Variants in EML6 observed in about 807,000 individuals in gnomAD.
EML6 encodes the protein echinoderm microtubule-associated protein-like 6.
In EML6, 154 loss-of-function variants were observed where a neutral mutation model predicts 240.1. The observed-to-expected ratio is 0.64, with a 90% CI of 0.56 to 0.73. The LOEUF (loss-of-function observed/expected upper bound fraction) is 0.73, where lower values mean the gene tolerates loss of function less well. Ranked by LOEUF, EML6 falls within the 30% of genes least tolerant of loss-of-function variation. The pLI is 0.00. For synonymous variants in EML6, 1,148 were observed against 899.0 expected, an observed-to-expected ratio of 1.28 and a Z score of -4.95; for missense variants, 2,964 against 2,474.6, an observed-to-expected ratio of 1.20 and a Z score of -4.20.
chr2:54,787,273 T>C (rs1320289788), intron 2 of EML6, among the ~76,000 whole-genome samples: 1 of 129,880 alleles, frequency 7.7e-6, no homozygotes, highest in East Asian at 2.3e-4. Flanking sequence ...GTCTGAGCCT[T>C]GTCAATGAGA....
At chr2:54,798,671 T>C (rs1384812447) in intron 2 of EML6, among the ~76,000 whole-genome samples, 1 of 152,212 alleles carries the variant, frequency 6.6e-6, no homozygotes, top group Non-Finnish European at 1.5e-5. Context: ...GTAGGGTTTT[T>C]ATTGATTAGG....
intron 2 of EML6, among the ~76,000 whole-genome samples, chr2:54,727,141 A>G (rs1161136158): frequency 2.0e-5 from 3 of 152,216 alleles, no homozygotes; most frequent in Non-Finnish European, 2.9e-5. Context: ...GAATGAAGTG[A>G]TGTGTATAAC....
chr2:54,918,664 T>C (rs928137011), intron 26 of EML6, among the ~76,000 whole-genome samples: 2 of 152,216 alleles, frequency 1.3e-5, no homozygotes, highest in African/African-American at 4.8e-5. Context: ...TGTTTATTAA[T>C]CTACACGTTG....
Position 54,850,073 on chromosome 2 carries a change from T to C in EML6, c.1299T>C (p.Asp433=), listed in dbSNP as rs753251508. 1.9e-6 allele frequency: 3 copies of C among 1,552,136 alleles called. No individual in the cohort carries two copies. In the Admixed American group the frequency reaches 5.9e-5, roughly 30 times the overall value. ...LAVGSNDGPV[D]VYAVAQRYKK... ...TGGGATCCAATGATGGCCCAGTAGA[T>C]GTCTATGCTGTTGCCCAGAGGTATA... Residue 433 remains aspartate (D), a synonymous_variant, in exon 10 of 42, where the codon GAT becomes GAC. Transcript: ENST00000356458.
At chr2:54,862,231 G>A (rs1412490587) in intron 12 of EML6, among the ~76,000 whole-genome samples, 1 of 150,902 alleles carries the variant, frequency 6.6e-6, no homozygotes, top group Non-Finnish European at 1.5e-5. Flanking sequence ...CCCAGCTACA[G>A]GGGAGGCTGA....
At chr2:54,848,745 TAGGGA>T (rs1669911397) in intron 9 of EML6, among the ~76,000 whole-genome samples, 1 of 152,154 alleles carries the variant, frequency 6.6e-6, no homozygotes, top group Non-Finnish European at 1.5e-5. Context: ...CTCACAATTG[TAGGGA>T]AAAAACAACC....
chr2:54,787,186 G>A, intron 2 of EML6, among the ~76,000 whole-genome samples: 1 of 152,048 alleles, frequency 6.6e-6, no homozygotes, highest in South Asian at 2.1e-4. Context: ...TCAGGGGTTG[G>A]TAGTTCTCGA....
intron 29 of EML6, among the ~76,000 whole-genome samples, chr2:54,950,169 G>A (rs568747441): frequency 5.3e-5 from 8 of 152,256 alleles, no homozygotes; most frequent in East Asian, 3.9e-4. Flanking sequence ...TGGCAAATAT[G>A]TAGCAACTTT....
intron 6 of EML6, among the ~76,000 whole-genome samples, chr2:54,828,013 T>C (rs1250477416): frequency 6.6e-6 from 1 of 152,236 alleles, no homozygotes; most frequent in Non-Finnish European, 1.5e-5. Flanking sequence ...TAGAACTAGC[T>C]CATCAGATTC....
intron 7 of EML6, among the ~76,000 whole-genome samples, chr2:54,841,880 A>AC (rs1315455966): frequency 6.6e-6 from 1 of 151,702 alleles, no homozygotes; most frequent in Non-Finnish European, 1.5e-5. Context: ...GGCATGAGCC[A>AC]CCGTGCCTTG....
intron 2 of EML6, among the ~76,000 whole-genome samples, chr2:54,765,557 T>A (rs942469540): frequency 1.3e-5 from 2 of 152,032 alleles, no homozygotes; most frequent in African/African-American, 4.8e-5. Context: ...GCCTGCCGGG[T>A]TCACGCCATT....
chr2:54,899,589 C>G, intron 21 of EML6, 52 bp from the exon 22 acceptor site: 1 of 1,518,792 alleles, frequency 6.6e-7, no homozygotes, highest in South Asian at 1.2e-5. Flanking sequence ...TAAAGAAGGG[C>G]TAGCCAAACA....
intron 3 of EML6, among the ~76,000 whole-genome samples, chr2:54,814,859 A>T (rs1216635097): frequency 1.3e-5 from 2 of 152,160 alleles, no homozygotes; most frequent in African/African-American, 2.4e-5. Context: ...CTCCTTTGTA[A>T]TCTCATCCAG....
At position 54,948,919 on chromosome 2, in the gene EML6, C is replaced by G. The variant is rs1481758537; in HGVS notation, c.4042C>G (p.Leu1348Val). Reference sequence around the variant, plus strand: ...CCGAGCAGCTCCCCAGCCTGAGAAACTGCAGAAGAACAATATCACCAAAAA... The same window carrying G: ...CCGAGCAGCTCCCCAGCCTGAGAAAGTGCAGAAGAACAATATCACCAAAAA... ...VSRAAPQPEK[L>V]QKNNITKKKK... The change falls in exon 29 of 42, where the codon CTG becomes GTG. Residue 1348 changes from leucine to valine, a missense_variant. By Grantham distance (32) the Leu-to-Val change is conservative. Coordinates refer to ENST00000356458, the MANE Select transcript of EML6 (RefSeq NM_001039753.4). The G allele has an allele frequency of 1.3e-6, 2 of 1,551,498 alleles. No individual in the cohort carries two copies. The highest frequency in any genetic ancestry group is 2.0e-5 in the Admixed American group (1 of 51,000).
chr2:54,819,710 A>G (rs1352021447), intron 4 of EML6, among the ~76,000 whole-genome samples: 3 of 133,538 alleles, frequency 2.2e-5, no homozygotes, highest in African/African-American at 8.0e-5. Flanking sequence ...TGGGAAGCGG[A>G]GTTGCAGTGA....
chr2:54,823,850 T>TTCTCTC (rs147852134), intron 5 of EML6, among the ~76,000 whole-genome samples: 8,512 of 72,210 alleles, frequency 0.12, 494 homozygotes, highest in East Asian at 0.32. Context: ...CATTCATTCA[T>TTCTCTC]TCTCTCTCTC....
At chr2:54,923,538 G>A (rs1674378576) in intron 26 of EML6, among the ~76,000 whole-genome samples, 1 of 151,928 alleles carries the variant, frequency 6.6e-6, no homozygotes, top group Admixed American at 6.6e-5. Context: ...CAGTAAAGCT[G>A]GGAGGAAAAA....
chr2:54,837,126 C>T lies in EML6; in HGVS notation c.848-6921C>T, dbSNP rs528741712. Reference sequence around the variant, plus strand: ...TTATTACCTTTTAACCTCTTGCACTCAAGGCATTCCCTGGTTTTGCATCCT... The same window carrying T: ...TTATTACCTTTTAACCTCTTGCACTTAAGGCATTCCCTGGTTTTGCATCCT... On this transcript the variant is annotated intron_variant, in intron 7 of 41. Transcript: ENST00000356458. Among the ~76,000 whole-genome samples the T allele has an allele frequency of 4.6e-5, 7 of 152,256 alleles. No individual in the cohort carries two copies. The South Asian group carries it at 1.4e-3, about 32-fold the overall frequency.
chr2:54,927,789 G>A (rs1674634303), intron 26 of EML6, among the ~76,000 whole-genome samples: 1 of 152,208 alleles, frequency 6.6e-6, no homozygotes, highest in Admixed American at 6.5e-5. Flanking sequence ...TTGCGTGTTT[G>A]TATTAAAAAT....
Sources: allele counts gnomAD v4.1 joint callset (sites outside exome capture counted in the v4.1 genomes callset), GRCh38; gene constraint gnomAD v4.1.1; transcripts MANE v1.5; gene names NCBI Gene and HGNC (gene_info 2026-07-23, HGNC 2026-07-21).